The following KSR2 variants were observed in gnomAD, a reference collection of about 807,000 sequenced individuals.
KSR2 encodes the protein kinase suppressor of ras 2.
Under a neutral mutation model 107.8 loss-of-function variants are expected in KSR2, and 25 were observed. That is an observed-to-expected ratio of 0.23 (90% CI 0.17 to 0.32). KSR2 has a LOEUF of 0.32. KSR2 is among the 10% of genes least tolerant of loss of function. The pLI is 1.00. For missense variants in KSR2, 887 were observed against 1,268.9 expected, an observed-to-expected ratio of 0.70 and a Z score of 4.57; for synonymous variants, 480 against 507.0, an observed-to-expected ratio of 0.95 and a Z score of 0.71.
chr12:117,860,008 C>T (rs1893234380), intron 2 of KSR2, among the ~76,000 whole-genome samples: 2 of 152,284 alleles, frequency 1.3e-5, no homozygotes, highest in East Asian at 3.9e-4. Flanking sequence ...GAAAGTTCCA[C>T]TGGACAGCGC....
chr12:117,748,831 T>C lies in KSR2; in HGVS notation c.986+12180A>G, dbSNP rs369343637. ...AAAGCAAGGTTTGGGGTCCTTGTAG[T>C]ATATTTGAGAGGTGATCCTAGCAGC... On this transcript the variant is annotated intron_variant, in intron 4 of 19. Transcript: ENST00000339824. 4.8e-4 allele frequency among the ~76,000 whole-genome samples: 73 copies of C among 151,950 alleles called. No homozygotes were observed. In the South Asian group the frequency reaches 0.014, roughly 30 times the overall value.
chr12:117,608,349 T>G (rs535679173), intron 5 of KSR2, among the ~76,000 whole-genome samples: 14 of 152,334 alleles, frequency 9.2e-5, no homozygotes, highest in African/African-American at 2.2e-4. Flanking sequence ...CAAAGAAATG[T>G]GCAAACAAAT....
At chr12:117,569,904 A>G (rs1878765919) in intron 7 of KSR2, among the ~76,000 whole-genome samples, 1 of 152,138 alleles carries the variant, frequency 6.6e-6, no homozygotes, top group African/African-American at 2.4e-5. Flanking sequence ...TCACATTCTA[A>G]AACTGAATAA....
chr12:117,786,594 TC>T (rs1184785304), intron 3 of KSR2, among the ~76,000 whole-genome samples: 1 of 152,138 alleles, frequency 6.6e-6, no homozygotes, highest in East Asian at 1.9e-4. Context: ...GGCAGGCAGA[TC>T]CCCTGAGCTC....
chr12:117,841,511 G>A (rs1224826180), intron 3 of KSR2, among the ~76,000 whole-genome samples: 3 of 152,234 alleles, frequency 2.0e-5, no homozygotes, highest in Middle Eastern at 3.4e-3. Flanking sequence ...AAAACTGAAG[G>A]TGCTCTGCAA....
chr12:117,943,356 GT>G (rs1266121383), intron 1 of KSR2, among the ~76,000 whole-genome samples: 1 of 151,952 alleles, frequency 6.6e-6, no homozygotes, highest in Non-Finnish European at 1.5e-5. Flanking sequence ...CCTGGGAATT[GT>G]CACATTGAAC....
chr12:117,885,891 C>T (rs1008967513), intron 1 of KSR2, among the ~76,000 whole-genome samples: 3 of 151,890 alleles, frequency 2.0e-5, no homozygotes, highest in Non-Finnish European at 4.4e-5. Flanking sequence ...GTCAGGAGAT[C>T]GAGACCATCC....
At chr12:117,833,958 G>A (rs1290720279) in intron 3 of KSR2, among the ~76,000 whole-genome samples, 2 of 122,990 alleles carry the variant, frequency 1.6e-5, no homozygotes, top group Non-Finnish European at 3.5e-5. Context: ...GTGAAACCCT[G>A]TCTGTACAAA....
intron 4 of KSR2, among the ~76,000 whole-genome samples, chr12:117,685,644 T>TTGA (rs1297144671): frequency 6.6e-6 from 1 of 152,024 alleles, no homozygotes; most frequent in Non-Finnish European, 1.5e-5. Context: ...TCACAAACAT[T>TTGA]CCCGAAATCA....
chr12:117,558,916 GGGT>G (rs1286570210), intron 7 of KSR2, among the ~76,000 whole-genome samples: 1 of 152,036 alleles, frequency 6.6e-6, no homozygotes, highest in African/African-American at 2.4e-5. Flanking sequence ...GTGGATGAGT[GGGT>G]GGATGGATAG....
intron 4 of KSR2, among the ~76,000 whole-genome samples, chr12:117,705,285 G>A (rs1479510092): frequency 2.0e-5 from 3 of 152,216 alleles, no homozygotes; most frequent in Non-Finnish European, 4.4e-5. Context: ...TCCCAGAGGA[G>A]AAGATCCATC....
rs773250759 is a variant in KSR2, at chr12:117,453,606, C to A, written c.*13593G>T. ...CAGCATAATTTACATATAGAGAAAG[C>A]CTTTTTACAATTGAGGAATTTTCCT... On this transcript the variant is annotated 3_prime_UTR_variant, in exon 20 of 20. Transcript: ENST00000339824. 3 of 152,062 alleles carry A rather than the reference C, an allele frequency of 2.0e-5. No individual in the cohort carries two copies. The highest frequency in any genetic ancestry group is 1.9e-4 in the East Asian group (1 of 5,200). 9.4% of individuals were successfully genotyped at this position (152,062 alleles called of 1,614,324 possible).
chr12:117,655,595 T>G (rs1423956669), intron 5 of KSR2, among the ~76,000 whole-genome samples: 1 of 152,150 alleles, frequency 6.6e-6, no homozygotes, highest in Admixed American at 6.5e-5. Flanking sequence ...AGCAAAGTTT[T>G]TGCTTCCTGA....
At chr12:117,782,312 G>A (rs1889914783) in intron 3 of KSR2, among the ~76,000 whole-genome samples, 1 of 152,196 alleles carries the variant, frequency 6.6e-6, no homozygotes, top group African/African-American at 2.4e-5. Flanking sequence ...TGCCCAGGCT[G>A]GAGTGCAGTG....
At chr12:117,743,050 C>G (rs1312841183) in intron 4 of KSR2, among the ~76,000 whole-genome samples, 3 of 152,360 alleles carry the variant, frequency 2.0e-5, no homozygotes, top group South Asian at 4.1e-4. Context: ...CACAGATGAC[C>G]ACCCAGCTAG....
At chr12:117,690,758 C>T (rs1246056831) in intron 4 of KSR2, among the ~76,000 whole-genome samples, 1 of 152,118 alleles carries the variant, frequency 6.6e-6, no homozygotes, top group Non-Finnish European at 1.5e-5. Flanking sequence ...TGGCAGTGAC[C>T]TTAAAAACAA....
chr12:117,663,501 T>C (rs1168464902), intron 5 of KSR2, among the ~76,000 whole-genome samples: 3 of 152,228 alleles, frequency 2.0e-5, no homozygotes, highest in Admixed American at 6.5e-5. Context: ...CACTTCATCA[T>C]GTAACATACA....
chr12:117,638,924 C>A (rs1883230316), intron 5 of KSR2, among the ~76,000 whole-genome samples: 1 of 150,128 alleles, frequency 6.7e-6, no homozygotes, highest in Non-Finnish European at 1.5e-5. Flanking sequence ...AAAATGAATG[C>A]CCCCCAAAAC....
chr12:117,597,402 T>G (rs978757123), intron 5 of KSR2, among the ~76,000 whole-genome samples: 2 of 152,170 alleles, frequency 1.3e-5, no homozygotes, highest in African/African-American at 4.8e-5. Flanking sequence ...TGATGGGGAA[T>G]CCTCCTGGAT....
Sources: allele counts gnomAD v4.1 joint callset (sites outside exome capture counted in the v4.1 genomes callset), GRCh38; gene constraint gnomAD v4.1.1; transcripts MANE v1.5; gene names NCBI Gene and HGNC (gene_info 2026-07-23, HGNC 2026-07-21).